Variants in WDR17 observed in about 807,000 individuals in gnomAD.
The protein encoded by WDR17 is WD repeat-containing protein 17.
Under a neutral mutation model 161.7 loss-of-function variants are expected in WDR17, and 143 were observed. The ratio of observed to expected loss-of-function variants is 0.88; its 90% confidence interval spans 0.77 to 1.02. WDR17 has a LOEUF of 1.02. WDR17 is among the 50% of genes least tolerant of loss of function. The pLI is 0.00. For missense variants in WDR17, 1,469 were observed against 1,520.9 expected (o/e 0.97, Z 0.57); for synonymous variants, 517 against 515.6 (o/e 1.00, Z -0.04).
intron 2 of WDR17, 96 bp downstream of exon 2, chr4:176,111,799 T>C (rs892629535): frequency 9.0e-7 from 1 of 1,112,470 alleles, no homozygotes; most frequent in Non-Finnish European, 1.2e-6. Context: ...AAAAACATAA[T>C]GCTATAATTC....
chr4:176,143,184 C>T (rs1308297367), intron 11 of WDR17, among the ~76,000 whole-genome samples: 3 of 152,308 alleles, frequency 2.0e-5, no homozygotes, highest in South Asian at 4.1e-4. Context: ...CGGCCTTACA[C>T]GCTGTTAAGG....
chr4:176,150,660 A>C (rs1579196721), intron 16 of WDR17, 67 bp downstream of exon 16: 2 of 1,433,864 alleles, frequency 1.4e-6, no homozygotes, highest in Admixed American at 2.4e-5. Flanking sequence ...TAAAATGTAA[A>C]AATGATTTTA....
In WDR17 at chr4:176,145,717, A is replaced by G. The variant is rs148259368; in HGVS notation, c.1530-278A>G. ...GTCTGGTCATCTTGAAAAAGAACTT[A>G]TAGAAATAGAAATACCATTACCTCT... On this transcript the variant is annotated intron_variant, in intron 11 of 28. Transcript: ENST00000508596. 2.8e-3 allele frequency among the ~76,000 whole-genome samples: 421 copies of G among 152,330 alleles called. 1 individual carries two copies. Among genetic ancestry groups the G allele is most frequent in the Middle Eastern group, 0.017 (5 of 292 alleles).
At chr4:176,120,158 C>A in intron 4 of WDR17, 61 bp downstream of exon 4, 1 of 1,325,396 alleles carries the variant, frequency 7.5e-7, no homozygotes. Context: ...TAATTTTGTA[C>A]TTGCTTGGTC....
intron 1 of WDR17, among the ~76,000 whole-genome samples, chr4:176,078,157 A>AT (rs1397333901): frequency 6.6e-6 from 1 of 152,036 alleles, no homozygotes; most frequent in African/African-American, 2.4e-5. Flanking sequence ...ATATGGATAC[A>AT]TTTTTTAAAT....
chr4:176,112,902 C>T (rs979949955), intron 2 of WDR17, among the ~76,000 whole-genome samples: 3 of 152,072 alleles, frequency 2.0e-5, no homozygotes, highest in African/African-American at 7.2e-5. Context: ...AAATTCTTTT[C>T]ATTACTACAT....
chr4:176,084,035 GT>G (rs368032770), intron 1 of WDR17, among the ~76,000 whole-genome samples: 5 of 148,962 alleles, frequency 3.4e-5, no homozygotes, highest in East Asian at 2.0e-4. Context: ...TTTTGTTTTT[GT>G]TTTTTTTTGG....
intron 1 of WDR17, among the ~76,000 whole-genome samples, chr4:176,092,223 A>G (rs756462115): frequency 2.0e-5 from 3 of 152,336 alleles, no homozygotes; most frequent in Non-Finnish European, 2.9e-5. Context: ...ACTGAATTCA[A>G]CAGCATATTA....
At chr4:176,136,559 T>A (rs1443191790) in intron 8 of WDR17, among the ~76,000 whole-genome samples, 1 of 151,648 alleles carries the variant, frequency 6.6e-6, no homozygotes, top group Non-Finnish European at 1.5e-5. Context: ...AAATGGAAAT[T>A]CTGTCATTTT....
At chr4:176,135,920 A>C (rs1270714881) in intron 8 of WDR17, among the ~76,000 whole-genome samples, 1 of 151,662 alleles carries the variant, frequency 6.6e-6, no homozygotes, top group Non-Finnish European at 1.5e-5. Context: ...ATATTAATTC[A>C]ATAACTACAT....
intron 1 of WDR17, among the ~76,000 whole-genome samples, chr4:176,106,259 T>C (rs1197242786): frequency 1.3e-5 from 2 of 151,780 alleles, no homozygotes; most frequent in East Asian, 1.9e-4. Context: ...TGGAATATAA[T>C]ATTTTATCCT....
chr4:176,084,873 C>A (rs1043434797), intron 1 of WDR17, among the ~76,000 whole-genome samples: 29 of 150,044 alleles, frequency 1.9e-4, no homozygotes, highest in African/African-American at 6.8e-4. Flanking sequence ...CTGTTCTGTG[C>A]CCCACTGAAT....
chr4:176,165,191 T>G, intron 22 of WDR17, among the ~76,000 whole-genome samples: 1 of 146,256 alleles, frequency 6.8e-6, no homozygotes. Context: ...AACCCATTAC[T>G]AAAAATACAA....
chr4:176,074,140 C>T (rs1356887815), intron 1 of WDR17, among the ~76,000 whole-genome samples: 1 of 151,556 alleles, frequency 6.6e-6, no homozygotes, highest in Non-Finnish European at 1.5e-5. Context: ...CTTTTGTTGC[C>T]ATTGCTTTTG....
intron 12 of WDR17, 126 bp from the exon 13 acceptor site, chr4:176,148,007 T>C (rs1187932219): frequency 1.6e-6 from 1 of 640,040 alleles, no homozygotes; most frequent in Admixed American, 3.5e-5. Context: ...GAGAACCTTA[T>C]ATCTTGAGAC....
intron 1 of WDR17, among the ~76,000 whole-genome samples, chr4:176,103,517 G>T (rs181578463): frequency 6.6e-6 from 1 of 151,922 alleles, no homozygotes; most frequent in African/African-American, 2.4e-5. Context: ...CAACTGTCTT[G>T]GGATGCTTAA....
intron 1 of WDR17, among the ~76,000 whole-genome samples, chr4:176,094,618 A>G (rs189904852): frequency 2.6e-3 from 401 of 152,318 alleles, no homozygotes; most frequent in Non-Finnish European, 4.6e-3. Flanking sequence ...AAAGCAGAGA[A>G]CAGTAAGTAA....
At chr4:176,172,695 G>A (rs1679237365) in intron 24 of WDR17, among the ~76,000 whole-genome samples, 179 bp downstream of exon 24, 1 of 152,178 alleles carries the variant, frequency 6.6e-6, no homozygotes. Context: ...CGGAAGCATG[G>A]CACTGGTATC....
At chr4:176,141,740 T>A (rs1195642271) in intron 10 of WDR17, among the ~76,000 whole-genome samples, 1 of 152,108 alleles carries the variant, frequency 6.6e-6, no homozygotes, top group Non-Finnish European at 1.5e-5. Context: ...GCCAAGAAAA[T>A]AGTTTTTAAA....
Sources: gnomAD v4.1 joint callset for allele counts (sites outside exome capture counted in the v4.1 genomes callset) on GRCh38, gnomAD v4.1.1 for gene constraint, MANE v1.5 for transcripts, NCBI Gene and HGNC (gene_info 2026-07-23, HGNC 2026-07-21) for gene names.